Variants in CTNNA2 observed in about 807,000 individuals in gnomAD.
CTNNA2 encodes the protein catenin alpha-2.
CTNNA2 carries 42 observed loss-of-function variants against 101.0 expected under a neutral mutation model. The ratio of observed to expected loss-of-function variants is 0.42; its 90% confidence interval spans 0.32 to 0.54. The LOEUF (loss-of-function observed/expected upper bound fraction) is 0.54, where lower values mean the gene tolerates loss of function less well. CTNNA2 is among the 20% of genes least tolerant of loss of function. The pLI is 0.14. For missense variants in CTNNA2, 871 were observed against 1,223.1 expected (o/e 0.71, Z 4.29); for synonymous variants, 450 against 456.4 (o/e 0.99, Z 0.18).
At chr2:80,036,457 T>C (rs545337175) in intron 7 of CTNNA2, among the ~76,000 whole-genome samples, 55 of 151,994 alleles carry the variant, frequency 3.6e-4, no homozygotes, top group Non-Finnish European at 6.8e-4. Context: ...AAATAAAAAT[T>C]AGCCTGGTGT....
intron 2 of CTNNA2, among the ~76,000 whole-genome samples, chr2:79,718,824 G>GTTTT (rs759268135): frequency 5.7e-5 from 8 of 140,266 alleles, no homozygotes; most frequent in African/African-American, 7.8e-5. Flanking sequence ...TTTCCCACTT[G>GTTTT]TTTTTTTTTT....
intron 7 of CTNNA2, among the ~76,000 whole-genome samples, chr2:79,989,842 C>T (rs1382900182): frequency 6.6e-6 from 1 of 152,178 alleles, no homozygotes; most frequent in Non-Finnish European, 1.5e-5. Flanking sequence ...GACAGGGTGA[C>T]ATTTCACCAG....
intron 1 of CTNNA2, among the ~76,000 whole-genome samples, chr2:79,525,395 G>A (rs1193156899): frequency 6.6e-6 from 1 of 151,850 alleles, no homozygotes; most frequent in African/African-American, 2.4e-5. Context: ...TGGGCTAATT[G>A]CCTTGAATTG....
At chr2:79,213,611 A>G (rs987970033) in intron 2 of CTNNA2, among the ~76,000 whole-genome samples, 1 of 152,154 alleles carries the variant, frequency 6.6e-6, no homozygotes, top group Non-Finnish European at 1.5e-5. Flanking sequence ...AAATGTGATC[A>G]GAGTGAGGAA....
chr2:79,671,787 A>G (rs145771716), intron 2 of CTNNA2, among the ~76,000 whole-genome samples: 1 of 152,306 alleles, frequency 6.6e-6, no homozygotes, highest in African/African-American at 2.4e-5. Context: ...AGTTTTTGAG[A>G]TCTTGTTCTG....
chr2:80,514,927 G>T (rs575030285), intron 9 of CTNNA2, among the ~76,000 whole-genome samples: 6 of 152,130 alleles, frequency 3.9e-5, no homozygotes, highest in African/African-American at 1.2e-4. Context: ...ACTTTGGGCC[G>T]CAGGTTTTAG....
chr2:80,358,247 A>G (rs1479906206), intron 7 of CTNNA2, among the ~76,000 whole-genome samples: 1 of 151,980 alleles, frequency 6.6e-6, no homozygotes, highest in Non-Finnish European at 1.5e-5. Flanking sequence ...ATTGCTTACT[A>G]GTATTTTAGG....
At chr2:80,031,561 C>T (rs1451896836) in intron 7 of CTNNA2, among the ~76,000 whole-genome samples, 1 of 152,184 alleles carries the variant, frequency 6.6e-6, no homozygotes, top group Non-Finnish European at 1.5e-5. Flanking sequence ...GATTCAGTTA[C>T]CTCCCAGTGG....
chr2:79,684,693 A>C (rs1457016631), intron 2 of CTNNA2, among the ~76,000 whole-genome samples: 2 of 152,238 alleles, frequency 1.3e-5, no homozygotes, highest in Non-Finnish European at 2.9e-5. Context: ...CATGTAGAAT[A>C]ATTGTTTTGG....
At chr2:79,839,443 A>C (rs546333369) in intron 3 of CTNNA2, among the ~76,000 whole-genome samples, 1 of 152,180 alleles carries the variant, frequency 6.6e-6, no homozygotes, top group African/African-American at 2.4e-5. Context: ...TTCCTGAATA[A>C]GAGAATTTAT....
chr2:79,296,126 T>C (rs187763394), intron 2 of CTNNA2, among the ~76,000 whole-genome samples: 1 of 152,204 alleles, frequency 6.6e-6, no homozygotes, highest in East Asian at 1.9e-4. Flanking sequence ...AGGAAGAAGG[T>C]GTGGACCTAA....
At chr2:80,106,065 C>T (rs1252817323) in intron 7 of CTNNA2, among the ~76,000 whole-genome samples, 1 of 152,136 alleles carries the variant, frequency 6.6e-6, no homozygotes, top group Non-Finnish European at 1.5e-5. Context: ...GGATAGGTCC[C>T]AAAGCAATGC....
chr2:79,516,091 G>T (rs961774027), intron 1 of CTNNA2, among the ~76,000 whole-genome samples: 1 of 152,306 alleles, frequency 6.6e-6, no homozygotes. Context: ...CTTTAGATGT[G>T]AGTACAGGCT....
chr2:79,845,287 A>AAGT (rs1347811071), intron 3 of CTNNA2, among the ~76,000 whole-genome samples: 1 of 151,222 alleles, frequency 6.6e-6, no homozygotes, highest in Admixed American at 6.6e-5. Flanking sequence ...AGCTGGAAGT[A>AAGT]AGTAGGGCAG....
chr2:80,251,963 T>G (rs915652825), intron 7 of CTNNA2, among the ~76,000 whole-genome samples: 2 of 152,220 alleles, frequency 1.3e-5, no homozygotes, highest in Non-Finnish European at 2.9e-5. Flanking sequence ...TAATTAATTT[T>G]CAGTCAAAAG....
chr2:79,562,570 A>G (rs1244026624), intron 1 of CTNNA2, among the ~76,000 whole-genome samples: 2 of 152,050 alleles, frequency 1.3e-5, no homozygotes, highest in East Asian at 3.9e-4. Flanking sequence ...CTGAGATTAT[A>G]CAAATTCTAG....
chr2:80,041,835 A>C (rs1246831444), intron 7 of CTNNA2, among the ~76,000 whole-genome samples: 1 of 152,164 alleles, frequency 6.6e-6, no homozygotes, highest in Non-Finnish European at 1.5e-5. Context: ...GATTAGCATC[A>C]AGGTGGTCCC....
chr2:79,894,823 A>T (rs2104236758), intron 6 of CTNNA2, among the ~76,000 whole-genome samples: 1 of 152,348 alleles, frequency 6.6e-6, no homozygotes, highest in East Asian at 1.9e-4. Flanking sequence ...ATAGACAGAG[A>T]TCATGTATTG....
chr2:79,601,518 A>G (rs906379863), intron 1 of CTNNA2, among the ~76,000 whole-genome samples: 2 of 152,204 alleles, frequency 1.3e-5, no homozygotes, highest in Non-Finnish European at 2.9e-5. Context: ...GAGAGAGTCC[A>G]CCAAAGAAGG....
Sources: gnomAD v4.1 joint callset for allele counts (sites outside exome capture counted in the v4.1 genomes callset) on GRCh38, gnomAD v4.1.1 for gene constraint, MANE v1.5 for transcripts, NCBI Gene and HGNC (gene_info 2026-07-23, HGNC 2026-07-21) for gene names.